KIAA0825: variants seen among roughly 807,000 people sequenced by gnomAD.
The protein encoded by KIAA0825 is uncharacterized protein KIAA0825.
In KIAA0825, 119 loss-of-function variants were observed where a neutral mutation model predicts 147.6. That is an observed-to-expected ratio of 0.81 (90% confidence interval 0.69 to 0.94). KIAA0825 has a LOEUF of 0.94. Ranked by LOEUF, KIAA0825 falls within the 40% of genes least tolerant of loss-of-function variation. The pLI is 0.00. For missense variants in KIAA0825, 1,381 were observed against 1,472.7 expected (o/e 0.94, Z 1.02); for synonymous variants, 470 against 518.1 (o/e 0.91, Z 1.26).
rs115344851 is a variant in KIAA0825 at position 94,460,689 on chromosome 5, A to G, written c.2246+1698T>C. 7.7e-3 allele frequency among the ~76,000 whole-genome samples: 1,171 copies of G among 152,198 alleles called. 17 individuals are homozygous for G. Among genetic ancestry groups the G allele is most frequent in the African/African-American group, 0.026 (1,097 of 41,566 alleles). ...TATCTTGGATGTGTAAAAAAGCTCA[A>G]TAAGTCAGTAGAGTTCTTGCAACAC... On this transcript the variant is annotated intron_variant, in intron 12 of 20. Transcript: ENST00000682413.
chr5:94,316,096 C>T (rs548373485), intron 20 of KIAA0825, among the ~76,000 whole-genome samples: 6 of 151,500 alleles, frequency 4.0e-5, no homozygotes, highest in Admixed American at 6.6e-5. Flanking sequence ...AAATTAAATC[C>T]AAATGGTAAT....
At chr5:94,391,777 T>C in intron 17 of KIAA0825, 83 bp from the exon 18 acceptor site, 1 of 1,157,564 alleles carries the variant, frequency 8.6e-7, no homozygotes. Flanking sequence ...GTGTGGAGAG[T>C]TGATGTAAAT....
chr5:94,448,611 C>A (rs1273490740), intron 13 of KIAA0825, among the ~76,000 whole-genome samples: 1 of 152,066 alleles, frequency 6.6e-6, no homozygotes, highest in Non-Finnish European at 1.5e-5. Flanking sequence ...TTTCAGTCAC[C>A]TCTCCTCTCG....
At chr5:94,594,449 G>A (rs1277253469) in intron 1 of KIAA0825, 13 of 738,032 alleles carry the variant, frequency 1.8e-5, no homozygotes, top group Non-Finnish European at 2.5e-5. Context: ...TAGATTTTGA[G>A]TGTATCTTGG....
At chr5:94,317,582 G>A (rs1779772552) in intron 20 of KIAA0825, among the ~76,000 whole-genome samples, 1 of 151,798 alleles carries the variant, frequency 6.6e-6, no homozygotes, top group African/African-American at 2.4e-5. Flanking sequence ...GCAGCACAGG[G>A]CAGTGGCAAG....
chr5:94,491,556 C>A (rs993263385), intron 5 of KIAA0825, among the ~76,000 whole-genome samples: 3 of 152,108 alleles, frequency 2.0e-5, no homozygotes, highest in Admixed American at 2.0e-4. Flanking sequence ...TTGTAAAGGG[C>A]CTTCTGTGTC....
At chr5:94,599,090 A>C (rs1240930119) in intron 1 of KIAA0825, among the ~76,000 whole-genome samples, 1 of 152,020 alleles carries the variant, frequency 6.6e-6, no homozygotes, top group Non-Finnish European at 1.5e-5. Flanking sequence ...TTATATTCCC[A>C]CCAACAGTAT....
intron 20 of KIAA0825, among the ~76,000 whole-genome samples, chr5:94,206,806 C>T (rs1219982691): frequency 6.6e-6 from 1 of 152,088 alleles, no homozygotes; most frequent in Non-Finnish European, 1.5e-5. Context: ...TTACATCAAC[C>T]ATTTATGGAC....
chr5:94,178,362 A>T (rs1030831238), intron 20 of KIAA0825, among the ~76,000 whole-genome samples: 4 of 151,950 alleles, frequency 2.6e-5, no homozygotes, highest in Non-Finnish European at 5.9e-5. Flanking sequence ...GAGATTGGGA[A>T]TTCTGTCCCC....
intron 2 of KIAA0825, among the ~76,000 whole-genome samples, chr5:94,571,898 T>C (rs1364098051): frequency 6.6e-6 from 1 of 152,210 alleles, no homozygotes; most frequent in Non-Finnish European, 1.5e-5. Flanking sequence ...TAAGTAGTTG[T>C]AGTTTTATAC....
At chr5:94,508,611 G>C (rs1766064332) in intron 5 of KIAA0825, among the ~76,000 whole-genome samples, 4 of 152,182 alleles carry the variant, frequency 2.6e-5, no homozygotes, top group Admixed American at 2.6e-4. Context: ...GTTAAGTGCT[G>C]TTTACAAAAC....
chr5:94,303,221 TTATAA>T (rs1365221402), intron 20 of KIAA0825, among the ~76,000 whole-genome samples: 5 of 152,076 alleles, frequency 3.3e-5, no homozygotes, highest in African/African-American at 1.2e-4. Context: ...TCTTTTCAAG[TTATAA>T]TATGTCTTAA....
At position 94,328,605 on chromosome 5, in the gene KIAA0825, T is replaced by C; in HGVS notation, c.3710+55763A>G. On this transcript the variant is annotated intron_variant, in intron 20 of 20. Transcript: ENST00000682413. The stretch of plus-strand genomic sequence containing the variant: ...ATAAAGTCATATGATCAATTTTTAC[T>C]ATATTATTTACTAATGTTTTGAACT... 2.0e-5 allele frequency among the ~76,000 whole-genome samples: 3 copies of C among 152,218 alleles called. No individual in the cohort carries two copies. In the South Asian group the frequency reaches 6.2e-4, roughly 32 times the overall value.
At chr5:94,564,274 T>C (rs1203364544) in intron 2 of KIAA0825, among the ~76,000 whole-genome samples, 2 of 144,818 alleles carry the variant, frequency 1.4e-5, no homozygotes, top group East Asian at 2.2e-4. Flanking sequence ...TGGAATGGCA[T>C]GATCATAGCC....
intron 20 of KIAA0825, among the ~76,000 whole-genome samples, chr5:94,265,332 A>G (rs1776694257): frequency 6.6e-6 from 1 of 152,154 alleles, no homozygotes; most frequent in Non-Finnish European, 1.5e-5. Flanking sequence ...CATTTCAGGC[A>G]TTTACAAAAT....
intron 20 of KIAA0825, among the ~76,000 whole-genome samples, chr5:94,176,532 T>C (rs1303989155): frequency 6.6e-6 from 1 of 152,138 alleles, no homozygotes; most frequent in Non-Finnish European, 1.5e-5. Flanking sequence ...AACTTTGTTG[T>C]AAAGTCAGTC....
chr5:94,519,346 A>G, intron 5 of KIAA0825: 2 of 895,746 alleles, frequency 2.2e-6, no homozygotes, highest in Non-Finnish European at 2.7e-6. Flanking sequence ...TAAGCCATAT[A>G]GTTTATGAAC....
chr5:94,603,554 G>A (rs964170113), intron 1 of KIAA0825, among the ~76,000 whole-genome samples: 1 of 152,142 alleles, frequency 6.6e-6, no homozygotes, highest in East Asian at 1.9e-4. Context: ...AAGATGACAG[G>A]ATCAAATTCA....
intron 20 of KIAA0825, among the ~76,000 whole-genome samples, chr5:94,181,380 G>A (rs1203739010): frequency 6.6e-6 from 1 of 152,152 alleles, no homozygotes; most frequent in African/African-American, 2.4e-5. Context: ...ATTGCAAAAT[G>A]AATATTTAAA....
Sources: gnomAD v4.1 joint callset for allele counts (sites outside exome capture counted in the v4.1 genomes callset) on GRCh38, gnomAD v4.1.1 for gene constraint, MANE v1.5 for transcripts, NCBI Gene and HGNC (gene_info 2026-07-23, HGNC 2026-07-21) for gene names.